FOXN1: variants seen among roughly 807,000 people sequenced by gnomAD.
FOXN1 encodes the protein forkhead box N1.
FOXN1 carries 15 observed loss-of-function variants against 49.0 expected under a neutral mutation model. That is an observed-to-expected ratio of 0.31 (90% CI 0.20 to 0.47). FOXN1 has a LOEUF of 0.47. Among genes scored for constraint, FOXN1 ranks in the 20% least tolerant of loss-of-function variants. The probability of loss-of-function intolerance (pLI) is 1.00; values close to 1 mark genes in which losing one functional copy is unlikely to be tolerated. For missense variants in FOXN1, 800 were observed against 842.8 expected (o/e 0.95, Z 0.63); for synonymous variants, 356 against 369.0 (o/e 0.96, Z 0.40).
At chr17:28,535,811 A>G (rs900887347) in intron 8 of FOXN1, among the ~76,000 whole-genome samples, 1 of 152,196 alleles carries the variant, frequency 6.6e-6, no homozygotes, top group African/African-American at 2.4e-5. Context: ...GTTCTATTCT[A>G]TACTCGATTG....
intron 1 of FOXN1, among the ~76,000 whole-genome samples, chr17:28,508,696 G>T (rs1170011301): frequency 6.6e-6 from 1 of 152,078 alleles, no homozygotes; most frequent in Non-Finnish European, 1.5e-5. Flanking sequence ...GGACAGAAAG[G>T]CCCCACTCTC....
chr17:28,521,558 C>G (rs1261172827), intron 1 of FOXN1, among the ~76,000 whole-genome samples: 1 of 152,246 alleles, frequency 6.6e-6, no homozygotes, highest in Non-Finnish European at 1.5e-5. Flanking sequence ...TGTGGTGTCC[C>G]GTTACGGCCA....
At chr17:28,512,519 CT>C (rs2069414470) in intron 1 of FOXN1, among the ~76,000 whole-genome samples, 1 of 152,218 alleles carries the variant, frequency 6.6e-6, no homozygotes, top group African/African-American at 2.4e-5. Context: ...GTGGCATGCA[CT>C]TTTAGTCTCA....
intron 6 of FOXN1, among the ~76,000 whole-genome samples, chr17:28,533,795 C>T (rs938293377): frequency 1.3e-5 from 2 of 152,216 alleles, no homozygotes; most frequent in Non-Finnish European, 2.9e-5. Context: ...CGCACACACC[C>T]AAACACTCAC....
chr17:28,533,101 C>T (rs192979924), intron 6 of FOXN1, among the ~76,000 whole-genome samples: 29 of 152,348 alleles, frequency 1.9e-4, no homozygotes, highest in Admixed American at 1.2e-3. Flanking sequence ...CTTGGAGTGA[C>T]GCTGGCATCA....
At position 28,524,794 on chromosome 17, in the gene FOXN1, G is replaced by A. The variant is rs367663123; in HGVS notation, c.415G>A (p.Glu139Lys). The A allele has an allele frequency of 1.1e-5, 18 of 1,613,466 alleles. No individual in the cohort carries two copies. The highest frequency in any genetic ancestry group is 5.3e-5 in the African/African-American group (4 of 74,886). The change falls in exon 3 of 9, where the codon GAG (glutamate) becomes AAG (lysine). Residue 139 changes from glutamate (E) to lysine (K), a missense_variant. By Grantham distance (56) the Glu-to-Lys change is moderately conservative (BLOSUM62 1). Transcript: ENST00000579795. ...PFHEDVFPEAETTLALKGHSF... is the reference protein window; with the variant it reads ...PFHEDVFPEAKTTLALKGHSF... ...CCATGAGGACGTCTTCCCAGAGGCC[G>A]AGACCACCCTGGCCCTCAAAGGACA...
chr17:28,510,976 C>G (rs2069384302), intron 1 of FOXN1, among the ~76,000 whole-genome samples: 1 of 152,224 alleles, frequency 6.6e-6, no homozygotes. Flanking sequence ...AGAGCCTGCC[C>G]CTTCTCCAGG....
chr17:28,532,395 G>A (rs1467020745), intron 6 of FOXN1, among the ~76,000 whole-genome samples: 2 of 152,240 alleles, frequency 1.3e-5, no homozygotes, highest in African/African-American at 4.8e-5. Flanking sequence ...TGTGAGGCAG[G>A]CCCTATGGGG....
rs934663731 is a variant in FOXN1 at position 28,535,102 on chromosome 17, C to T, written c.1531C>T (p.Pro511Ser). ...TGCCAAGCTACTGGCCGAGCCTTCC[C>T]CAGCCAGGACTATGCACGACACCCT... is the stretch of plus-strand genomic sequence containing the variant. ...HSAKLLAEPSPARTMHDTLLP... is the reference protein window; with the variant it reads ...HSAKLLAEPSSARTMHDTLLP... Residue 511 changes from proline (P) to serine (S), a missense_variant, in exon 8 of 9, where the codon CCA becomes TCA. Transcript: ENST00000579795. The T allele has an allele frequency of 6.2e-7, 1 of 1,606,742 alleles. No individual in the cohort carries two copies. The highest frequency in any genetic ancestry group is 8.5e-7 in the Non-Finnish European group (1 of 1,174,964).
chr17:28,516,696 CCA>C (rs372613358), intron 1 of FOXN1, among the ~76,000 whole-genome samples: 6 of 150,508 alleles, frequency 4.0e-5, no homozygotes, highest in African/African-American at 1.5e-4. Context: ...GTACACGCCT[CCA>C]CAGAATACAT....
intron 6 of FOXN1, among the ~76,000 whole-genome samples, chr17:28,533,555 T>A (rs2069971763): frequency 1.5e-5 from 2 of 137,898 alleles, no homozygotes; most frequent in South Asian, 4.4e-4. Flanking sequence ...ATGCAAACAC[T>A]CACACCCACA....
At chr17:28,523,870 G>T in intron 1 of FOXN1, 86 bp from the exon 2 acceptor site, 1 of 1,229,674 alleles carries the variant, frequency 8.1e-7, no homozygotes, top group South Asian at 1.2e-5. Flanking sequence ...CCAGCCCAAG[G>T]ATGGGGTTGG....
intron 2 of FOXN1, 92 bp from the exon 3 acceptor site, chr17:28,524,411 C>T: frequency 1.8e-6 from 2 of 1,132,806 alleles, no homozygotes; most frequent in African/African-American, 1.5e-5. Context: ...CAGCCATAGA[C>T]CCCCTTTACC....
intron 1 of FOXN1, among the ~76,000 whole-genome samples, chr17:28,518,279 A>T (rs767163028): frequency 2.0e-5 from 3 of 152,352 alleles, no homozygotes; most frequent in Non-Finnish European, 2.9e-5. Flanking sequence ...TTTAGATGCA[A>T]ATGGTCCCAG....
chr17:28,537,466 T>A lies in FOXN1; in HGVS notation c.*30T>A. The A allele has an allele frequency of 1.3e-6, 2 of 1,573,240 alleles. No homozygotes were observed. The highest frequency in any genetic ancestry group is 1.1e-5 in the South Asian group (1 of 90,186). ...TGCCCAGCTTCGTCAGCTCCAGCGT[T>A]TGCCTGGTCTGGAAGTCCTGGCCGG... is the stretch of plus-strand genomic sequence containing the variant. On this transcript the variant is annotated 3_prime_UTR_variant, in exon 9 of 9. Coordinates refer to ENST00000579795, the MANE Select transcript of FOXN1 (RefSeq NM_001369369.1).
intron 1 of FOXN1, among the ~76,000 whole-genome samples, chr17:28,512,262 CTG>C (rs1555607132): frequency 2.0e-5 from 3 of 152,216 alleles, no homozygotes; most frequent in Admixed American, 2.0e-4. Context: ...GCTGGGCAGA[CTG>C]AGGATTTCAG....
rs2069726711 is a variant in FOXN1, at chr17:28,524,762, G to A, written c.383G>A (p.Arg128Gln). Residue 128 changes from arginine to glutamine, a missense_variant, in exon 3 of 9, where the codon CGG (arginine) becomes CAG (glutamine). Arg to Gln is a conservative substitution (Grantham distance 43). This residue lies in a region of FOXN1 where 383 missense variants were observed against 357.9 expected (regional missense o/e 1.07). Coordinates refer to ENST00000579795, the MANE Select transcript of FOXN1 (RefSeq NM_001369369.1). Reference protein sequence around the residue: ...GSHAPFHPYKRPFHEDVFPEA... With the variant: ...GSHAPFHPYKQPFHEDVFPEA... ...CACGCGCCCTTCCACCCGTACAAGC[G>A]GCCTTTCCATGAGGACGTCTTCCCA... 6.8e-6 allele frequency: 11 copies of A among 1,613,264 alleles called. No individual in the cohort carries two copies. The highest frequency in any genetic ancestry group is 3.3e-5 in the South Asian group (3 of 91,016).
chr17:28,534,474 A>G lies in FOXN1; in HGVS notation c.1071A>G (p.Gln357=). 2 of 1,614,140 alleles carry G rather than the reference A, an allele frequency of 1.2e-6. No individual in the cohort carries two copies. The highest frequency in any genetic ancestry group is 1.7e-6 in the Non-Finnish European group (2 of 1,180,006). ...ATCCGGCCAAGATCGACAAGATGCA[A>G]GAGGAGCTGCAAAAATGGAAGAGGA... ...ALNPAKIDKM[Q]EELQKWKRKD... Residue 357 remains glutamine, a synonymous_variant, in exon 7 of 9, where the codon CAA becomes CAG. Coordinates refer to ENST00000579795, the MANE Select transcript of FOXN1 (RefSeq NM_001369369.1). This position sits in a 1 kb window ranked among gnomAD's most constrained non-coding sequence, Gnocchi z 4.1.
At chr17:28,535,344 G>A (rs926104471) in intron 8 of FOXN1, 146 bp downstream of exon 8, 1 of 826,482 alleles carries the variant, frequency 1.2e-6, no homozygotes, top group African/African-American at 1.7e-5. Context: ...GGACCTGGCA[G>A]GGGGAGCTTC....
Sources: allele counts gnomAD v4.1 joint callset (sites outside exome capture counted in the v4.1 genomes callset), GRCh38; gene constraint gnomAD v4.1.1; regional missense constraint gnomAD v4.1.1; non-coding constraint Gnocchi (gnomAD v3.1); transcripts MANE v1.5; gene names NCBI Gene and HGNC (gene_info 2026-07-23, HGNC 2026-07-21).